Variants in RBFOX1 observed in about 807,000 individuals in gnomAD.
RBFOX1 encodes the protein RNA binding protein fox-1 homolog 1.
RBFOX1 carries 8 observed loss-of-function variants against 57.7 expected under a neutral mutation model. The ratio of observed to expected loss-of-function variants is 0.14; its 90% CI spans 0.08 to 0.25. The LOEUF (loss-of-function observed/expected upper bound fraction) is 0.25. RBFOX1 is among the 10% of genes least tolerant of loss of function. RBFOX1 has a pLI of 1.00. For synonymous variants in RBFOX1, 326 were observed against 222.4 expected (o/e 1.47, Z -4.15); for missense variants, 611 against 548.5 (o/e 1.11, Z -1.14).
At chr16:7,542,340 C>T (rs1016112977) in intron 5 of RBFOX1, among the ~76,000 whole-genome samples, 1 of 152,138 alleles carries the variant, frequency 6.6e-6, no homozygotes, top group Non-Finnish European at 1.5e-5. Context: ...TGAAAGCATA[C>T]GCCAGACCCG....
intron 1 of RBFOX1, among the ~76,000 whole-genome samples, chr16:6,190,899 G>A (rs2097137396): frequency 6.6e-6 from 1 of 152,146 alleles, no homozygotes; most frequent in African/African-American, 2.4e-5. Context: ...TGTGTGTGGT[G>A]TGACTGTAAG....
intron 3 of RBFOX1, among the ~76,000 whole-genome samples, chr16:5,610,073 G>T (rs963108588): frequency 2.6e-5 from 4 of 152,166 alleles, no homozygotes; most frequent in African/African-American, 9.6e-5. Flanking sequence ...GACATCCAGT[G>T]TATTTTACTT....
At chr16:5,742,435 G>A (rs996860655) in intron 3 of RBFOX1, among the ~76,000 whole-genome samples, 6 of 151,804 alleles carry the variant, frequency 4.0e-5, no homozygotes, top group African/African-American at 1.2e-4. Context: ...CTTTTATAGC[G>A]GATTTAAAAT....
At chr16:6,642,765 C>A (rs887958488) in intron 2 of RBFOX1, among the ~76,000 whole-genome samples, 4 of 152,102 alleles carry the variant, frequency 2.6e-5, no homozygotes, top group African/African-American at 9.7e-5. Flanking sequence ...CAGCTTTTTC[C>A]TGCCTAAGAA....
chr16:6,637,503 A>C (rs1602271019), intron 2 of RBFOX1, among the ~76,000 whole-genome samples: 1 of 17,586 alleles, frequency 5.7e-5, no homozygotes, highest in Non-Finnish European at 1.6e-4. Flanking sequence ...TATATATAAT[A>C]TTCTATATAG....
At chr16:7,186,994 C>CAAAAAAAAAAAAAAAAAAAAA (rs35177784) in intron 4 of RBFOX1, among the ~76,000 whole-genome samples, 19 of 69,262 alleles carry the variant, frequency 2.7e-4, no homozygotes, top group African/African-American at 1.2e-3. Context: ...CCCACCTCCA[C>CAAAAAAAAAAAAAAAAAAAAA]AAAAAAAAAA....
intron 4 of RBFOX1, among the ~76,000 whole-genome samples, chr16:5,948,066 G>A (rs1270472418): frequency 6.6e-6 from 1 of 152,182 alleles, no homozygotes; most frequent in Non-Finnish European, 1.5e-5. Flanking sequence ...AGGTGCACAA[G>A]GGTGGTGGGC....
intron 1 of RBFOX1, among the ~76,000 whole-genome samples, chr16:6,065,817 C>G (rs191147522): frequency 6.6e-6 from 1 of 152,214 alleles, no homozygotes; most frequent in East Asian, 1.9e-4. Context: ...AAAACAGAGG[C>G]TCACTTAGCT....
intron 2 of RBFOX1, among the ~76,000 whole-genome samples, chr16:6,545,694 G>A (rs1264584651): frequency 2.0e-5 from 3 of 152,208 alleles, no homozygotes; most frequent in African/African-American, 7.2e-5. Context: ...CATGTTAGTG[G>A]CATTGCTGAA....
intron 4 of RBFOX1, among the ~76,000 whole-genome samples, chr16:7,155,524 A>T (rs188508908): frequency 8.5e-4 from 128 of 150,918 alleles, no homozygotes; most frequent in African/African-American, 2.9e-3. Flanking sequence ...TGAGCTCGGG[A>T]GTTGTAGGTT....
chr16:7,046,882 A>G (rs1221349274), intron 3 of RBFOX1, among the ~76,000 whole-genome samples: 2 of 152,018 alleles, frequency 1.3e-5, no homozygotes, highest in East Asian at 1.9e-4. Context: ...CTGGAATTAC[A>G]GGCGTGAGCC....
intron 4 of RBFOX1, among the ~76,000 whole-genome samples, chr16:7,215,817 C>T (rs552528943): frequency 6.7e-6 from 1 of 150,286 alleles, no homozygotes; most frequent in East Asian, 2.0e-4. Flanking sequence ...CTCTGCCTCT[C>T]GGGTTCACGC....
At chr16:7,292,957 A>T (rs1243223769) in intron 4 of RBFOX1, among the ~76,000 whole-genome samples, 1 of 152,126 alleles carries the variant, frequency 6.6e-6, no homozygotes, top group Non-Finnish European at 1.5e-5. Context: ...AGGGGTGAGG[A>T]TACGAATTTG....
At chr16:6,565,176 A>G (rs948458274) in intron 2 of RBFOX1, among the ~76,000 whole-genome samples, 1 of 151,210 alleles carries the variant, frequency 6.6e-6, no homozygotes, top group African/African-American at 2.4e-5. Context: ...AACTACAGTG[A>G]TAACAAAATA....
At chr16:7,176,876 T>TG (rs552104267) in intron 4 of RBFOX1, among the ~76,000 whole-genome samples, 1 of 152,114 alleles carries the variant, frequency 6.6e-6, no homozygotes, top group Non-Finnish European at 1.5e-5. Context: ...AAAGCAGGAA[T>TG]GGGGGGAGAG....
At chr16:6,487,691 AAAAAAAAAAATATATATATATATAT>A (rs2095525444) in intron 2 of RBFOX1, among the ~76,000 whole-genome samples, 7 of 9,310 alleles carry the variant, frequency 7.5e-4, no homozygotes, top group Non-Finnish European at 1.3e-3. Flanking sequence ...AAAAAAAAAA[AAAAAAAAAAATATATATATATATAT>A]ATATATATAT....
At position 7,648,260 on chromosome 16, in the gene RBFOX1, C is replaced by A. The variant is rs186158611; in HGVS notation, c.758-5555C>A. Among the ~76,000 whole-genome samples the A allele has an allele frequency of 3.9e-5, 6 of 152,234 alleles. No homozygotes were observed. The East Asian group carries it at 1.2e-3, about 29-fold the overall frequency. The stretch of plus-strand genomic sequence containing the variant: ...TTTGAGACTGAGTCTTGGTCTGTCA[C>A]CCAGGCTGGAGTGCATTGGCGCGAT... On this transcript the variant is annotated intron_variant, in intron 11 of 15. Coordinates refer to ENST00000550418, the MANE Select transcript of RBFOX1 (RefSeq NM_018723.4).
intron 3 of RBFOX1, among the ~76,000 whole-genome samples, chr16:6,919,682 A>G (rs773910181): frequency 2.5e-4 from 38 of 152,086 alleles, no homozygotes; most frequent in Non-Finnish European, 4.7e-4. Flanking sequence ...CCAGATCCAT[A>G]AGACATTGTC....
At chr16:5,465,955 C>T (rs1472320853) in intron 1 of RBFOX1, among the ~76,000 whole-genome samples, 1 of 152,114 alleles carries the variant, frequency 6.6e-6, no homozygotes, top group African/African-American at 2.4e-5. Flanking sequence ...CCAGGGGCAC[C>T]TTGTTGAGTC....
Sources: gnomAD v4.1 joint callset for allele counts (sites outside exome capture counted in the v4.1 genomes callset) on GRCh38, gnomAD v4.1.1 for gene constraint, MANE v1.5 for transcripts, NCBI Gene and HGNC (gene_info 2026-07-23, HGNC 2026-07-21) for gene names.